The following FAM222A variants were observed in gnomAD, a reference collection of about 807,000 sequenced individuals.
FAM222A encodes family with sequence similarity 222 member A.
Under a neutral mutation model 25.8 loss-of-function variants are expected in FAM222A, and 7 were observed. That is an observed-to-expected ratio of 0.27 (90% CI 0.15 to 0.51). FAM222A has a LOEUF of 0.51. Ranked by LOEUF, FAM222A falls within the 20% of genes least tolerant of loss-of-function variation. The pLI, the probability that FAM222A is intolerant of heterozygous loss-of-function variation, is 0.97. For missense variants in FAM222A, 573 were observed against 640.5 expected (o/e 0.89, Z 1.14); for synonymous variants, 294 against 298.8 (o/e 0.98, Z 0.17).
chr12:109,724,751 C>A (rs1486127322), intron 1 of FAM222A, among the ~76,000 whole-genome samples: 2 of 152,098 alleles, frequency 1.3e-5, no homozygotes, highest in Non-Finnish European at 2.9e-5. Context: ...CATCTCTCTT[C>A]CCTTGTGAGG....
At chr12:109,767,937 C>T (rs1762015558) in intron 2 of FAM222A, 75 bp from the exon 3 acceptor site, 13 of 1,397,508 alleles carry the variant, frequency 9.3e-6, no homozygotes, top group East Asian at 2.3e-5. Context: ...GTGGAGGGGG[C>T]GGGACTCGTG....
chr12:109,769,334 G>A lies in FAM222A; in HGVS notation c.*46G>A, dbSNP rs772086317. ...GGACATGCGGACAGGGCGCAGAGCC[G>A]GGAGGCAGGCCGCAGAACAGGGTGG... On this transcript the variant is annotated 3_prime_UTR_variant, in exon 3 of 3. Coordinates refer to ENST00000538780, the MANE Select transcript of FAM222A (RefSeq NM_032829.3). 5.2e-5 allele frequency: 80 copies of A among 1,524,546 alleles called. No homozygotes were observed. Among genetic ancestry groups the A allele is most frequent in the Non-Finnish European group, 5.2e-5 (59 of 1,132,908 alleles). 94.4% of individuals were successfully genotyped at this position (1,524,546 alleles called of 1,614,324 possible).
intron 1 of FAM222A, among the ~76,000 whole-genome samples, chr12:109,741,244 T>C (rs1298240184): frequency 6.6e-6 from 1 of 151,998 alleles, no homozygotes; most frequent in African/African-American, 2.4e-5. Flanking sequence ...GGGCAGTGAG[T>C]TGGGAGAACT....
At position 109,767,970 on chromosome 12, in the gene FAM222A, A is replaced by T. The variant is rs116005734; in HGVS notation, c.83-42A>T. 115 of 1,586,398 alleles carry T rather than the reference A, an allele frequency of 7.2e-5. 1 individual carries two copies. In the African/African-American group the frequency reaches 1.4e-3, roughly 20 times the overall value. ...GTGAGCCCTGTGGGGAGAGGTTGGC[A>T]TGGCCTCCTGATGGGCCCTCACACC... On this transcript the variant is annotated intron_variant, in intron 2 of 2. Coordinates refer to ENST00000538780, the MANE Select transcript of FAM222A (RefSeq NM_032829.3).
chr12:109,745,324 C>A (rs754385105), intron 2 of FAM222A, among the ~76,000 whole-genome samples: 3 of 152,206 alleles, frequency 2.0e-5, no homozygotes, highest in Admixed American at 6.5e-5. Context: ...ACATAGTTTT[C>A]TCTAGCAGGG....
At chr12:109,748,491 CTGTT>C (rs993708195) in intron 2 of FAM222A, among the ~76,000 whole-genome samples, 6 of 152,008 alleles carry the variant, frequency 3.9e-5, no homozygotes, top group African/African-American at 7.2e-5. Flanking sequence ...CTCCATGAAA[CTGTT>C]TGGGCTAGTG....
At position 109,768,920 on chromosome 12, in the gene FAM222A, T is replaced by C; in HGVS notation, c.991T>C (p.Cys331Arg). ...YERASGSPLN[C>R]GVGLPTSFTV... ...GCGGGCCAGCGGGTCACCCCTCAAC[T>C]GTGGCGTGGGGCTGCCCACCAGCTT... is the stretch of plus-strand genomic sequence containing the variant. Residue 331 changes from cysteine to arginine, a missense_variant, in exon 3 of 3, where the codon TGT becomes CGT. Physicochemically the swap from Cys to Arg is radical, Grantham distance 180. Coordinates refer to ENST00000538780, the MANE Select transcript of FAM222A (RefSeq NM_032829.3). The C allele has an allele frequency of 5.7e-6, 9 of 1,580,548 alleles. No individual in the cohort carries two copies. The highest frequency in any genetic ancestry group is 7.7e-6 in the Non-Finnish European group (9 of 1,170,712).
In FAM222A at chr12:109,726,935, G is replaced by A. The variant is rs368953564; in HGVS notation, c.-47+12038G>A. 2.0e-3 allele frequency among the ~76,000 whole-genome samples: 309 copies of A among 152,306 alleles called. 1 individual carries two copies. The highest frequency in any genetic ancestry group is 7.1e-3 in the African/African-American group (295 of 41,570). On this transcript the variant is annotated intron_variant, in intron 1 of 2. Coordinates refer to ENST00000538780, the MANE Select transcript of FAM222A (RefSeq NM_032829.3). ...CAGACCTCTGACAGTCCAAAAAGTTGGGTGTGCTATCGTCATGGTCCCCAT... is the reference window on the plus strand; with the variant it reads ...CAGACCTCTGACAGTCCAAAAAGTTAGGTGTGCTATCGTCATGGTCCCCAT...
At position 109,737,524 on chromosome 12, in the gene FAM222A, A is replaced by C. The variant is rs1352014213; in HGVS notation, c.-46-6577A>C. Among the ~76,000 whole-genome samples, 2 of 151,588 alleles carry C rather than the reference A, an allele frequency of 1.3e-5. 1 individual carries two copies. Among genetic ancestry groups the C allele is most frequent in the Admixed American group, 1.3e-4 (2 of 15,228 alleles). ...CTGGGGTGGGGACAGATACAGTGGT[A>C]ATTCTGGCAGAAGATGAGGCCTCCT... is the stretch of plus-strand genomic sequence containing the variant. On this transcript the variant is annotated intron_variant, in intron 1 of 2. Transcript: ENST00000538780.
chr12:109,744,532 A>C (rs1013371330), intron 2 of FAM222A: 36 of 985,240 alleles, frequency 3.7e-5, no homozygotes, highest in South Asian at 2.8e-4. Context: ...ACCATTATCT[A>C]GCCATGTGTG....
At chr12:109,720,275 A>C (rs1490846746) in intron 1 of FAM222A, 6 of 762,576 alleles carry the variant, frequency 7.9e-6, no homozygotes, top group Non-Finnish European at 9.6e-6. Flanking sequence ...AGCTGTGAAC[A>C]GGCTCCCGGG....
intron 2 of FAM222A, among the ~76,000 whole-genome samples, chr12:109,763,234 C>T (rs542676308): frequency 3.9e-5 from 6 of 152,368 alleles, no homozygotes; most frequent in African/African-American, 1.4e-4. Flanking sequence ...ATCTCAGCTC[C>T]ACCCTTTGCT....
intron 1 of FAM222A, among the ~76,000 whole-genome samples, chr12:109,731,193 A>G (rs1235036891): frequency 6.6e-6 from 1 of 152,074 alleles, no homozygotes; most frequent in Non-Finnish European, 1.5e-5. Context: ...CCAGAGGGGT[A>G]GTGCCTTGCG....
At chr12:109,723,559 A>T (rs1196417697) in intron 1 of FAM222A, among the ~76,000 whole-genome samples, 2 of 151,894 alleles carry the variant, frequency 1.3e-5, no homozygotes, top group African/African-American at 4.8e-5. Flanking sequence ...TCTCTCCATC[A>T]TTAGACCCGC....
chr12:109,764,795 G>A (rs1027899769), intron 2 of FAM222A, among the ~76,000 whole-genome samples: 8 of 151,900 alleles, frequency 5.3e-5, no homozygotes, highest in Admixed American at 2.6e-4. Flanking sequence ...CCTTTTTTGC[G>A]GGACTCTCCG....
At chr12:109,754,679 T>A (rs947489143) in intron 2 of FAM222A, among the ~76,000 whole-genome samples, 4 of 152,092 alleles carry the variant, frequency 2.6e-5, no homozygotes, top group African/African-American at 4.8e-5. Flanking sequence ...TTTTTTTTTT[T>A]TTCTTTGAAA....
intron 2 of FAM222A, chr12:109,744,695 G>A: frequency 3.0e-6 from 3 of 985,396 alleles, no homozygotes; most frequent in Non-Finnish European, 3.6e-6. Flanking sequence ...GTGACCAGGG[G>A]TCTGTTCTCA....
Position 109,749,518 on chromosome 12 carries a change from A to C in FAM222A, c.82+5290A>C, listed in dbSNP as rs185945061. 7.4e-4 allele frequency among the ~76,000 whole-genome samples: 112 copies of C among 152,240 alleles called. 1 individual carries two copies. Among genetic ancestry groups the C allele is most frequent in the African/African-American group, 2.5e-3 (105 of 41,532 alleles). ...CTTTCTTTGTGATATAACCTATGCT[A>C]ATTGTTGTGAGCTTTGTGGATTTTT... On this transcript the variant is annotated intron_variant, in intron 2 of 2. Transcript: ENST00000538780.
At chr12:109,756,338 C>T (rs1186418294) in intron 2 of FAM222A, among the ~76,000 whole-genome samples, 1 of 148,180 alleles carries the variant, frequency 6.7e-6, no homozygotes, top group Non-Finnish European at 1.5e-5. Flanking sequence ...ATCCTGTATA[C>T]AAGATAATGT....
Sources: allele counts gnomAD v4.1 joint callset (sites outside exome capture counted in the v4.1 genomes callset), GRCh38; gene constraint gnomAD v4.1.1; transcripts MANE v1.5; gene names NCBI Gene and HGNC (gene_info 2026-07-23, HGNC 2026-07-21).